Variants in ARHGAP12 observed in about 807,000 individuals in gnomAD.
ARHGAP12 encodes the protein Rho GTPase activating protein 12.
Under a neutral mutation model 108.6 loss-of-function variants are expected in ARHGAP12, and 64 were observed. The ratio of observed to expected loss-of-function variants is 0.59; its 90% CI spans 0.48 to 0.73. The LOEUF (loss-of-function observed/expected upper bound fraction) is 0.73, where lower values mean the gene tolerates loss of function less well. Among genes scored for constraint, ARHGAP12 ranks in the 30% least tolerant of loss-of-function variants. ARHGAP12 has a pLI of 0.00. For missense variants in ARHGAP12, 940 were observed against 1,005.9 expected (o/e 0.93, Z 0.89); for synonymous variants, 312 against 337.2 (o/e 0.93, Z 0.82).
intron 3 of ARHGAP12, 73 bp downstream of exon 3, chr10:31,908,099 A>G: frequency 1.4e-6 from 2 of 1,385,646 alleles, no homozygotes; most frequent in South Asian, 3.0e-5. Context: ...TCTTACAAAT[A>G]TTTCAATTAA....
intron 2 of ARHGAP12, among the ~76,000 whole-genome samples, chr10:31,909,358 A>C (rs1241464604): frequency 1.3e-5 from 2 of 151,892 alleles, no homozygotes; most frequent in African/African-American, 2.4e-5. Flanking sequence ...TTAAATGATC[A>C]CCTCCTAGAA....
intron 4 of ARHGAP12, among the ~76,000 whole-genome samples, chr10:31,854,504 G>A (rs776776132): frequency 2.0e-5 from 3 of 152,068 alleles, no homozygotes; most frequent in Admixed American, 6.5e-5. Flanking sequence ...TGCTGCTTTC[G>A]TGCTGAAATC....
In ARHGAP12 at chr10:31,814,336, T is replaced by G. The variant is rs202148847; in HGVS notation, c.1757A>C (p.Glu586Ala). The G allele has an allele frequency of 6.2e-7, 1 of 1,613,954 alleles. No individual in the cohort carries two copies. Among genetic ancestry groups the G allele is most frequent in the African/African-American group, 1.3e-5 (1 of 75,044 alleles). The part of the protein sequence containing the change: ...NQAVETDEGI[E>A]EEIPDSPGIE... ...TCCTGGTGAATCCGGTATCTCCTCTTCAATTCCTTCATCAGTTTCTACTGC... is the reference window on the plus strand; with the variant it reads ...TCCTGGTGAATCCGGTATCTCCTCTGCAATTCCTTCATCAGTTTCTACTGC... The change falls in exon 14 of 20, where the codon GAA (glutamate) becomes GCA (alanine). Residue 586 changes from glutamate (E) to alanine (A), a missense_variant. By Grantham distance (107) the Glu-to-Ala change is moderately radical. Transcript: ENST00000344936.
rs1357867366 is a variant in ARHGAP12 at position 31,843,351 on chromosome 10, A to T, written c.1296+110T>A. 4.1e-6 allele frequency: 5 copies of T among 1,218,524 alleles called. No homozygotes were observed. In the East Asian group the frequency reaches 1.3e-4, roughly 33 times the overall value. 75.5% of individuals were successfully genotyped at this position (1,218,524 alleles called of 1,614,324 possible). On this transcript the variant is annotated intron_variant, in intron 7 of 19. Coordinates refer to ENST00000344936, the MANE Select transcript of ARHGAP12 (RefSeq NM_018287.7). ...GCTTAAATTAGTTCAAAAGAAATCA[A>T]ATGTTTTAGCAAAGAATATTTACTA... is the stretch of plus-strand genomic sequence containing the variant.
chr10:31,837,268 A>G (rs1836060182), intron 9 of ARHGAP12, among the ~76,000 whole-genome samples: 1 of 152,368 alleles, frequency 6.6e-6, no homozygotes, highest in African/African-American at 2.4e-5. Flanking sequence ...GTACTGTAGT[A>G]ACAGTGCCTT....
At chr10:31,814,085 T>C (rs1835113089) in intron 14 of ARHGAP12, among the ~76,000 whole-genome samples, 174 bp downstream of exon 14, 1 of 152,110 alleles carries the variant, frequency 6.6e-6, no homozygotes, top group African/African-American at 2.4e-5. Context: ...AAAACGACAA[T>C]AATGAGTTAA....
At chr10:31,825,833 G>A (rs1006101463) in intron 11 of ARHGAP12, among the ~76,000 whole-genome samples, 2 of 152,114 alleles carry the variant, frequency 1.3e-5, no homozygotes, top group African/African-American at 4.8e-5. Flanking sequence ...CACAAGTAAT[G>A]TGACATTTCT....
At chr10:31,874,210 A>C (rs1837641186) in intron 3 of ARHGAP12, among the ~76,000 whole-genome samples, 1 of 152,242 alleles carries the variant, frequency 6.6e-6, no homozygotes, top group Admixed American at 6.5e-5. Flanking sequence ...CATAGTTTTA[A>C]GATATACATT....
intron 1 of ARHGAP12, among the ~76,000 whole-genome samples, chr10:31,920,466 A>AAAAAAAAAAAAAAAAAAAAAAAAAAAC (rs1839754085): frequency 6.6e-6 from 1 of 151,054 alleles, no homozygotes; most frequent in Admixed American, 6.6e-5. Context: ...AAAAAAAAAA[A>AAAAAAAAAAAAAAAAAAAAAAAAAAAC]AAAAAGAAAA....
rs183774500 is a variant in ARHGAP12 at position 31,825,775 on chromosome 10, T to C, written c.1530+529A>G. Among the ~76,000 whole-genome samples the C allele has an allele frequency of 2.8e-3, 426 of 152,032 alleles. 2 individuals carry two copies. The highest frequency in any genetic ancestry group is 4.9e-3 in the Non-Finnish European group (331 of 67,938). On this transcript the variant is annotated intron_variant, in intron 11 of 19. Transcript: ENST00000344936. ...GTTTGCATTACAAATAACTGAAGAG[T>C]AGAGTAATGATAGTAAGCACTCAAA...
At chr10:31,837,067 G>C (rs1050829297) in intron 9 of ARHGAP12, among the ~76,000 whole-genome samples, 1 of 152,162 alleles carries the variant, frequency 6.6e-6, no homozygotes, top group Non-Finnish European at 1.5e-5. Flanking sequence ...TAAATGGGTG[G>C]TGAAATAATT....
At chr10:31,885,682 G>A (rs7909504) in intron 3 of ARHGAP12, among the ~76,000 whole-genome samples, 27,815 of 151,930 alleles carry the variant, frequency 0.18, 2,782 homozygotes, top group East Asian at 0.39. Context: ...AGCTGGGCAT[G>A]GTGGTGCATG....
intron 3 of ARHGAP12, among the ~76,000 whole-genome samples, chr10:31,888,737 G>C (rs914828383): frequency 2.6e-5 from 4 of 152,088 alleles, no homozygotes; most frequent in East Asian, 3.9e-4. Flanking sequence ...GAAAAAAAGA[G>C]TAAATATAAA....
chr10:31,889,619 G>GTTTTTTTTTTTTTTTTTTTTTTTTTT (rs869116452), intron 3 of ARHGAP12, among the ~76,000 whole-genome samples: 1 of 66,420 alleles, frequency 1.5e-5, no homozygotes, highest in Non-Finnish European at 2.6e-5. Flanking sequence ...AATTTTTCTC[G>GTTTTTTTTTTTTTTTTTTTTTTTTTT]TTTTTTTTTT....
intron 8 of ARHGAP12, 55 bp downstream of exon 8, chr10:31,839,581 TA>T: frequency 6.8e-7 from 1 of 1,464,184 alleles, no homozygotes; most frequent in South Asian, 1.3e-5. Flanking sequence ...ATTAACTTGC[TA>T]AAATTGATTG....
chr10:31,841,464 A>G (rs1052865273), intron 7 of ARHGAP12, among the ~76,000 whole-genome samples: 9 of 152,150 alleles, frequency 5.9e-5, no homozygotes, highest in Non-Finnish European at 7.4e-5. Flanking sequence ...CTGGGCTAAC[A>G]ATATTCAATA....
At chr10:31,827,753 T>TG (rs1302647169) in intron 10 of ARHGAP12, among the ~76,000 whole-genome samples, 32 of 148,982 alleles carry the variant, frequency 2.1e-4, no homozygotes, top group Admixed American at 2.1e-3. Context: ...ATTGCACCAC[T>TG]GCACTCCAGC....
At chr10:31,843,966 A>G (rs969632889) in intron 6 of ARHGAP12, among the ~76,000 whole-genome samples, 2 of 152,234 alleles carry the variant, frequency 1.3e-5, no homozygotes, top group African/African-American at 2.4e-5. Flanking sequence ...ATTAACTATC[A>G]TAATTTATAA....
intron 6 of ARHGAP12, among the ~76,000 whole-genome samples, chr10:31,849,414 G>C (rs939339108): frequency 1.3e-5 from 2 of 152,092 alleles, no homozygotes; most frequent in Non-Finnish European, 2.9e-5. Context: ...CTATGTATTT[G>C]CATTTATCAC....
Sources: gnomAD v4.1 joint callset for allele counts (sites outside exome capture counted in the v4.1 genomes callset) on GRCh38, gnomAD v4.1.1 for gene constraint, MANE v1.5 for transcripts, NCBI Gene and HGNC (gene_info 2026-07-23, HGNC 2026-07-21) for gene names.